RUBCN: variants seen among roughly 807,000 people sequenced by gnomAD.
The protein encoded by RUBCN is run domain Beclin-1-interacting and cysteine-rich domain-containing protein.
A neutral mutation model predicts 113.2 loss-of-function variants in RUBCN; 74 were observed. The ratio of observed to expected loss-of-function variants is 0.65; its 90% CI spans 0.54 to 0.79. The LOEUF (loss-of-function observed/expected upper bound fraction) is 0.79, where lower values mean the gene tolerates loss of function less well. Ranked by LOEUF, RUBCN falls within the 30% of genes least tolerant of loss-of-function variation. The pLI is 0.00. For missense variants in RUBCN, 1,109 were observed against 1,251.7 expected, an observed-to-expected ratio of 0.89 and a Z score of 1.72; for synonymous variants, 480 against 490.0, an observed-to-expected ratio of 0.98 and a Z score of 0.27.
chr3:197,736,853 C>G lies in RUBCN; in HGVS notation c.-134G>C, dbSNP rs958700216. ...CTCCGGGTGATGCGCTACACCCGGG[C>G]GGCGACAGCGGGAGGGACCGCCGCC... On this transcript the variant is annotated 5_prime_UTR_variant, in exon 1 of 20. Coordinates refer to ENST00000296343, the MANE Select transcript of RUBCN (RefSeq NM_014687.4). 365 of 1,381,814 alleles carry G rather than the reference C, an allele frequency of 2.6e-4. 9 individuals carry two copies. In the East Asian group the frequency reaches 0.011, roughly 40 times the overall value. 85.6% of individuals were successfully genotyped at this position (1,381,814 alleles called of 1,614,324 possible).
chr3:197,697,491 A>G (rs1268570006), intron 7 of RUBCN, among the ~76,000 whole-genome samples: 1 of 152,256 alleles, frequency 6.6e-6, no homozygotes, highest in African/African-American at 2.4e-5. Flanking sequence ...CAGAAGATTT[A>G]CATTCACTAA....
intron 11 of RUBCN, among the ~76,000 whole-genome samples, chr3:197,684,480 G>A (rs1162466773): frequency 1.3e-5 from 2 of 152,088 alleles, no homozygotes; most frequent in East Asian, 1.9e-4. Flanking sequence ...GACAAACTCA[G>A]CTTTGGTGTA....
At chr3:197,742,722 GCA>G (rs1728576248) in intron 1 of RUBCN, among the ~76,000 whole-genome samples, 1 of 152,226 alleles carries the variant, frequency 6.6e-6, no homozygotes, top group Non-Finnish European at 1.5e-5. Flanking sequence ...AACCTGCGGG[GCA>G]CAGAGAGAAG....
intron 1 of RUBCN, among the ~76,000 whole-genome samples, chr3:197,731,247 C>A (rs1468552052): frequency 1.3e-5 from 2 of 152,178 alleles, no homozygotes; most frequent in South Asian, 2.1e-4. Flanking sequence ...ACATCTTGCA[C>A]CACCCTCAAT....
At chr3:197,678,485 C>G (rs1042734063) in intron 16 of RUBCN, among the ~76,000 whole-genome samples, 3 of 150,496 alleles carry the variant, frequency 2.0e-5, no homozygotes, top group East Asian at 2.0e-4. Context: ...GTCCTACGCT[C>G]TAACTGACAA....
chr3:197,735,607 T>C (rs568831514), intron 1 of RUBCN, among the ~76,000 whole-genome samples: 8 of 152,190 alleles, frequency 5.3e-5, no homozygotes, highest in African/African-American at 1.9e-4. Context: ...TTTTTGTTTT[T>C]TGAAGACAGG....
chr3:197,716,803 G>T (rs1186631959), intron 2 of RUBCN, among the ~76,000 whole-genome samples: 15 of 152,090 alleles, frequency 9.9e-5, no homozygotes, highest in African/African-American at 3.1e-4. Flanking sequence ...GGCAGGAATG[G>T]TCCATAAGGA....
At chr3:197,697,185 G>C in intron 7 of RUBCN, 136 bp from the exon 8 acceptor site, 1 of 670,952 alleles carries the variant, frequency 1.5e-6, no homozygotes, top group South Asian at 1.5e-5. Context: ...GCACACCAAC[G>C]GAACAGCCCA....
intron 1 of RUBCN, among the ~76,000 whole-genome samples, chr3:197,732,413 A>G (rs1026008051): frequency 6.6e-6 from 1 of 152,156 alleles, no homozygotes; most frequent in Non-Finnish European, 1.5e-5. Flanking sequence ...TCCCGGGTTC[A>G]CGCCATTCTC....
intron 5 of RUBCN, 97 bp downstream of exon 5, chr3:197,703,451 C>CA: frequency 3.2e-6 from 1 of 311,018 alleles, no homozygotes; most frequent in Non-Finnish European, 6.3e-6. Context: ...TTTCAGCTCA[C>CA]AAAAATGGCT....
intron 11 of RUBCN, among the ~76,000 whole-genome samples, chr3:197,691,802 C>G (rs1722449974): frequency 6.6e-6 from 1 of 152,012 alleles, no homozygotes; most frequent in Admixed American, 6.6e-5. Flanking sequence ...GACTGCTGAT[C>G]CTGGGAGTGA....
In RUBCN at chr3:197,671,093, C is replaced by A. The variant is rs1225112017; in HGVS notation, c.*3925G>T. Reference sequence around the variant, plus strand: ...GCAATGGAGCAAGCTTGGCTCACTGCAGCCCTCGCCTTCCAGGTTCAAGTG... The same window carrying A: ...GCAATGGAGCAAGCTTGGCTCACTGAAGCCCTCGCCTTCCAGGTTCAAGTG... On this transcript the variant is annotated 3_prime_UTR_variant, in exon 20 of 20. Coordinates refer to ENST00000296343, the MANE Select transcript of RUBCN (RefSeq NM_014687.4). Among the ~76,000 whole-genome samples the A allele has an allele frequency of 6.6e-6, 1 of 152,194 alleles. No individual in the cohort carries two copies. Among genetic ancestry groups the A allele is most frequent in the Admixed American group, 6.5e-5 (1 of 15,288 alleles).
rs1310753406 is a variant in RUBCN at position 197,694,571 on chromosome 3, G to C, written c.1488C>G (p.Phe496Leu). 10 of 1,614,186 alleles carry C rather than the reference G, an allele frequency of 6.2e-6. No homozygotes were observed. In the South Asian group the frequency reaches 9.9e-5, roughly 16 times the overall value. The change falls in exon 10 of 20, where the codon TTC (phenylalanine) becomes TTG (leucine). Residue 496 changes from phenylalanine to leucine, a missense_variant. Physicochemically the swap from Phe to Leu is conservative, Grantham distance 22. Transcript: ENST00000296343. ...CADLEKENAH[F>L]SISESLIAAI... The stretch of plus-strand genomic sequence containing the variant: ...CAGCAATTAAGGACTCTGAGATGCT[G>C]AAGTGGGCATTCTCCTGGCGGAAGG...
rs560748908 is a variant in RUBCN at position 197,710,515 on chromosome 3, G to A, written c.220-5340C>T. 1.3e-4 allele frequency among the ~76,000 whole-genome samples: 20 copies of A among 151,666 alleles called. No homozygotes were observed. The South Asian group carries it at 1.9e-3, about 14-fold the overall frequency. On this transcript the variant is annotated intron_variant, in intron 2 of 19. Transcript: ENST00000296343. Reference sequence around the variant, plus strand: ...TTTGGGAGGCTGAGGCAGGAGAATCGCTTGAACCCCAGAGTCAGAGGCTGC... The same window carrying A: ...TTTGGGAGGCTGAGGCAGGAGAATCACTTGAACCCCAGAGTCAGAGGCTGC...
At chr3:197,682,316 G>C (rs547137845) in intron 14 of RUBCN, among the ~76,000 whole-genome samples, 154 bp downstream of exon 14, 2 of 152,288 alleles carry the variant, frequency 1.3e-5, no homozygotes, top group South Asian at 4.1e-4. Context: ...AAGAAACGAA[G>C]GACCAAATGG....
intron 5 of RUBCN, among the ~76,000 whole-genome samples, chr3:197,703,341 T>A (rs1338509355): frequency 7.8e-6 from 1 of 128,598 alleles, no homozygotes; most frequent in Non-Finnish European, 1.5e-5. Context: ...GAGGTTGCAG[T>A]GAGCTGAGAT....
chr3:197,704,174 C>T (rs1724022809), intron 4 of RUBCN, among the ~76,000 whole-genome samples: 1 of 152,162 alleles, frequency 6.6e-6, no homozygotes, highest in Admixed American at 6.5e-5. Flanking sequence ...GGTAGTCACG[C>T]CTGTAATCCC....
intron 1 of RUBCN, among the ~76,000 whole-genome samples, chr3:197,743,892 G>T (rs1169252921): frequency 6.6e-6 from 1 of 152,084 alleles, no homozygotes; most frequent in East Asian, 1.9e-4. Context: ...GCTGAGGCAG[G>T]AGAATTGCTT....
intron 11 of RUBCN, 133 bp downstream of exon 11, chr3:197,693,582 A>T: frequency 1.4e-6 from 1 of 705,236 alleles, no homozygotes; most frequent in South Asian, 1.5e-5. Context: ...TTTTTAGCAG[A>T]AGGCTGTCCC....
Sources: gnomAD v4.1 joint callset for allele counts (sites outside exome capture counted in the v4.1 genomes callset) on GRCh38, gnomAD v4.1.1 for gene constraint, MANE v1.5 for transcripts, NCBI Gene and HGNC (gene_info 2026-07-23, HGNC 2026-07-21) for gene names.